AGRN: variants seen among roughly 807,000 people sequenced by gnomAD.
AGRN encodes the protein agrin proteoglycan.
A neutral mutation model predicts 211.0 loss-of-function variants in AGRN; 106 were observed. The ratio of observed to expected loss-of-function variants is 0.50; its 90% CI spans 0.43 to 0.59. AGRN has a LOEUF of 0.59. AGRN is among the 20% of genes least tolerant of loss of function. AGRN has a pLI of 0.00. For missense variants in AGRN, 3,040 were observed against 2,982.6 expected (o/e 1.02, Z -0.45); for synonymous variants, 1,525 against 1,332.5 (o/e 1.14, Z -3.15).
At chr1:1,044,570 G>T in intron 12 of AGRN, 131 bp downstream of exon 12, 1 of 995,636 alleles carries the variant, frequency 1.0e-6, no homozygotes, top group Non-Finnish European at 1.5e-6. Context: ...AGTGAGCATC[G>T]TCCAGTGTTG....
Position 1,043,719 on chromosome 1 carries a change from A to T in AGRN, c.1785A>T (p.Ser595=). 6.2e-7 allele frequency: 1 copy of T among 1,600,924 alleles called. No individual in the cohort carries two copies. ...CTHQISLHVA[S]AGPCETCGDA... Reference sequence around the variant, plus strand: ...ACCAGATCAGCCTGCACGTGGCCTCAGCTGGACCCTGTGGTGAGTGAGGCC... The same window carrying T: ...ACCAGATCAGCCTGCACGTGGCCTCTGCTGGACCCTGTGGTGAGTGAGGCC... The change falls in exon 9 of 36, where the codon TCA becomes TCT. Residue 595 remains serine, a synonymous_variant. Coordinates refer to ENST00000379370, the MANE Select transcript of AGRN (RefSeq NM_198576.4).
chr1:1,039,235 C>T (rs528601921), intron 3 of AGRN, among the ~76,000 whole-genome samples: 5 of 151,756 alleles, frequency 3.3e-5, no homozygotes, highest in Admixed American at 3.3e-4. Context: ...GGGAGGAAGA[C>T]AGGGATCTGG....
rs532795042 is a variant in AGRN at position 1,040,851 on chromosome 1, G to A, written c.698G>A (p.Arg233His). 2 of 1,530,598 alleles carry A rather than the reference G, an allele frequency of 1.3e-6. No individual in the cohort carries two copies. The highest frequency in any genetic ancestry group is 8.7e-7 in the Non-Finnish European group (1 of 1,144,998). 94.8% of individuals were successfully genotyped at this position (1,530,598 alleles called of 1,614,324 possible). ...CGGGCGCAGTGCAGCCAGCAGCGCC[G>A]CATCCGCCTGCTCAGCCGCGGGCCG... ...LQRAQCSQQR[R>H]IRLLSRGPCG... Residue 233 changes from arginine (R) to histidine (H), a missense_variant, in exon 4 of 36, where the codon CGC (arginine) becomes CAC (histidine). Arg to His is a conservative substitution (Grantham distance 29). Around this residue, in one of 3 missense-constraint regions of AGRN, gnomAD observed 1,498 missense variants for 1,457.8 expected, o/e 1.03. Coordinates refer to ENST00000379370, the MANE Select transcript of AGRN (RefSeq NM_198576.4).
rs756108720 is a variant in AGRN at position 1,041,611 on chromosome 1, C to T, written c.1086C>T (p.Val362=). 9.9e-6 allele frequency: 16 copies of T among 1,611,244 alleles called. 1 individual carries two copies. In the South Asian group the frequency reaches 1.5e-4, roughly 15 times the overall value. ...CGCCAGTGTGTGGGGACGACGGAGT[C>T]ACCTACGAAAACGACTGTGTCATGG... The part of the protein sequence containing the change: ...RQAPVCGDDG[V]TYENDCVMGR... The change falls in exon 6 of 36, where the codon GTC becomes GTT. Residue 362 remains valine, a synonymous_variant. Transcript: ENST00000379370.
At chr1:1,028,509 A>T (rs1397028604) in intron 2 of AGRN, among the ~76,000 whole-genome samples, 2 of 145,088 alleles carry the variant, frequency 1.4e-5, no homozygotes, top group African/African-American at 2.5e-5. Flanking sequence ...ACCCTTTCCG[A>T]AGGAACCGAG....
Position 1,050,285 on chromosome 1 carries a change from C to A in AGRN, c.4932C>A (p.Ser1644=). Residue 1644 remains serine, a synonymous_variant, in exon 28 of 36, where the codon TCC becomes TCA. Coordinates refer to ENST00000379370, the MANE Select transcript of AGRN (RefSeq NM_198576.4). ...TCCTGGCTGACTTCAACGGCTTCTCCCACCTGGAGCTGAGAGGCCTGCACA... is the reference window on the plus strand; with the variant it reads ...TCCTGGCTGACTTCAACGGCTTCTCACACCTGGAGCTGAGAGGCCTGCACA... ...GPFLADFNGF[S]HLELRGLHTF... is the part of the protein sequence containing the mutation. 6.2e-7 allele frequency: 1 copy of A among 1,613,038 alleles called. No individual in the cohort carries two copies. Among genetic ancestry groups the A allele is most frequent in the Admixed American group, 1.7e-5 (1 of 60,012 alleles).
chr1:1,022,543 C>T, intron 2 of AGRN, 81 bp downstream of exon 2: 10 of 1,412,278 alleles, frequency 7.1e-6, no homozygotes, highest in Middle Eastern at 2.2e-4. Context: ...GGTCGCTGTG[C>T]GGGGTCCTTT....
chr1:1,029,629 ATGTG>A (rs1413976423), intron 2 of AGRN, among the ~76,000 whole-genome samples: 3 of 87,990 alleles, frequency 3.4e-5, no homozygotes, highest in Admixed American at 1.0e-4. Flanking sequence ...TGAGATCAGC[ATGTG>A]TGTGTGTGTG....
chr1:1,031,504 G>C lies in AGRN; in HGVS notation c.464-3773G>C, dbSNP rs891192475. 6.6e-6 allele frequency among the ~76,000 whole-genome samples: 1 copy of C among 152,130 alleles called. No individual in the cohort carries two copies. The highest frequency in any genetic ancestry group is 2.4e-5 in the African/African-American group (1 of 41,426). On this transcript the variant is annotated intron_variant, in intron 2 of 35. Transcript: ENST00000379370. The surrounding 1 kb of genome is among the most constrained non-coding windows in gnomAD (Gnocchi z 4.8). Reference sequence around the variant, plus strand: ...CTGAAGGCATCTGGGCCTCTGTGGGGGGCTCAGACACTGACTGGGGCTGGG... The same window carrying C: ...CTGAAGGCATCTGGGCCTCTGTGGGCGGCTCAGACACTGACTGGGGCTGGG...
rs1019115699 is a variant in AGRN, at chr1:1,048,654, C to T, written c.4106-213C>T. On this transcript the variant is annotated intron_variant, in intron 23 of 35. Coordinates refer to ENST00000379370, the MANE Select transcript of AGRN (RefSeq NM_198576.4). This position sits in a 1 kb window ranked among gnomAD's most constrained non-coding sequence, Gnocchi z 5.9. Reference sequence around the variant, plus strand: ...GCGTGGTGGTGGGCGCCTGTAATCCCACCTCGTGAGGCTGAGGCAGGAGAA... The same window carrying T: ...GCGTGGTGGTGGGCGCCTGTAATCCTACCTCGTGAGGCTGAGGCAGGAGAA... The T allele has an allele frequency of 1.1e-5, 7 of 640,172 alleles. No homozygotes were observed. The highest frequency in any genetic ancestry group is 1.8e-5 in the Non-Finnish European group (7 of 383,364). 39.7% of individuals were successfully genotyped at this position (640,172 alleles called of 1,614,324 possible).
chr1:1,055,076 A>AG lies in AGRN; in HGVS notation c.*98dup, dbSNP rs1237401223. 2.1e-5 allele frequency: 32 copies of AG among 1,512,550 alleles called. No homozygotes were observed. Among genetic ancestry groups the AG allele is most frequent in the Non-Finnish European group, 2.8e-5 (31 of 1,127,080 alleles). 93.7% of individuals were successfully genotyped at this position (1,512,550 alleles called of 1,614,324 possible). A position where few individuals can be genotyped will look rare whatever the true frequency, so the allele number is the denominator to read the frequency against. On this transcript the variant is annotated 3_prime_UTR_variant, in exon 36 of 36. Coordinates refer to ENST00000379370, the MANE Select transcript of AGRN (RefSeq NM_198576.4). ...ATTTTCTTGCCTGAGTGTTGGCCGG[A>AG]GGGACTGCTGGCCCGGCCTCCCTTC...
chr1:1,028,336 CGCCCT>C (rs1644567624), intron 2 of AGRN, among the ~76,000 whole-genome samples: 2 of 124,632 alleles, frequency 1.6e-5, no homozygotes, highest in African/African-American at 3.0e-5. Flanking sequence ...CCCCCCCCCC[CGCCCT>C]GCACCTGGCT....
chr1:1,053,015 GTGTA>G (rs1299886552), intron 33 of AGRN: 45 of 194,302 alleles, frequency 2.3e-4, no homozygotes, highest in Non-Finnish European at 1.3e-4. Context: ...GTGTACACGT[GTGTA>G]TGTGTGTGAA....
chr1:1,048,444 C>A lies in AGRN; in HGVS notation c.4105+79C>A. The A allele has an allele frequency of 1.7e-6, 2 of 1,204,542 alleles. No individual in the cohort carries two copies. The highest frequency in any genetic ancestry group is 2.2e-6 in the Non-Finnish European group (2 of 890,364). The allele number at this position is 1,204,542 out of a possible 1,614,324, so 74.6% of individuals were successfully genotyped here. ...ATTGGGGGTGGGGCTAAGCCACCATCAGGCTTTGAGTTGGGGGCAGGAGCC... is the reference window on the plus strand; with the variant it reads ...ATTGGGGGTGGGGCTAAGCCACCATAAGGCTTTGAGTTGGGGGCAGGAGCC... On this transcript the variant is annotated intron_variant, in intron 23 of 35. Transcript: ENST00000379370. This position sits in a 1 kb window ranked among gnomAD's most constrained non-coding sequence, Gnocchi z 5.9.
intron 33 of AGRN, chr1:1,052,731 G>A (rs1479750557): frequency 6.4e-6 from 1 of 157,364 alleles, no homozygotes; most frequent in Non-Finnish European, 1.4e-5. Flanking sequence ...AGACACGCAG[G>A]TGTGTGTCCG....
In AGRN at chr1:1,043,726, C is replaced by T. The variant is rs758236932; in HGVS notation, c.1792C>T (p.Pro598Ser). 5.0e-6 allele frequency: 8 copies of T among 1,601,186 alleles called. No individual in the cohort carries two copies. In the African/African-American group the frequency reaches 6.7e-5, roughly 13 times the overall value. The change falls in exon 9 of 36, where the codon CCC becomes TCC. Residue 598 changes from proline to serine, a missense_variant. Transcript: ENST00000379370. ...CAGCCTGCACGTGGCCTCAGCTGGA[C>T]CCTGTGGTGAGTGAGGCCCTGGGGC... is the stretch of plus-strand genomic sequence containing the variant. ...QISLHVASAG[P>S]CETCGDAVCA...
intron 26 of AGRN, 51 bp downstream of exon 26, chr1:1,049,846 G>A (rs572152862): frequency 3.2e-5 from 52 of 1,611,120 alleles, no homozygotes; most frequent in Middle Eastern, 1.7e-4. Flanking sequence ...GCCTGTGGGC[G>A]GTACCCAACC....
chr1:1,029,308 T>C (rs1644593492), intron 2 of AGRN, among the ~76,000 whole-genome samples: 1 of 144,524 alleles, frequency 6.9e-6, no homozygotes, highest in South Asian at 2.3e-4. Context: ...TCCCAGTGTA[T>C]GGGTGGGGGT....
chr1:1,042,284 C>T, intron 7 of AGRN, 122 bp downstream of exon 7: 2 of 1,260,310 alleles, frequency 1.6e-6, no homozygotes, highest in Non-Finnish European at 2.2e-6. Context: ...GGGCCGGTCC[C>T]TCTGGGAAGG....
Sources: allele counts gnomAD v4.1 joint callset (sites outside exome capture counted in the v4.1 genomes callset), GRCh38; gene constraint gnomAD v4.1.1; regional missense constraint gnomAD v4.1.1; non-coding constraint Gnocchi (gnomAD v3.1); transcripts MANE v1.5; gene names NCBI Gene and HGNC (gene_info 2026-07-23, HGNC 2026-07-21).